ERICH6: variants seen among roughly 807,000 people sequenced by gnomAD.
ERICH6 encodes the protein glutamate-rich protein 6.
ERICH6 carries 71 observed loss-of-function variants against 71.0 expected under a neutral mutation model. The observed-to-expected ratio is 1.00, with a 90% confidence interval of 0.83 to 1.22. ERICH6 has a LOEUF of 1.22. ERICH6 is among the 50% of genes most tolerant of loss of function. ERICH6 has a pLI of 0.00. For synonymous variants in ERICH6, 262 were observed against 278.4 expected (o/e 0.94, Z 0.59); for missense variants, 808 against 797.2 (o/e 1.01, Z -0.16).
chr3:150,698,684 G>T, intron 3 of ERICH6, 107 bp downstream of exon 3: 1 of 864,280 alleles, frequency 1.2e-6, no homozygotes, highest in Non-Finnish European at 1.9e-6. Flanking sequence ...AGGTTAGTAT[G>T]TGTTGGGGCT....
rs376423366 is a variant in ERICH6 at position 150,693,784 on chromosome 3, A to G, written c.553+5007T>C. Among the ~76,000 whole-genome samples the G allele has an allele frequency of 3.3e-5, 5 of 152,298 alleles. No individual in the cohort carries two copies. The East Asian group carries it at 9.6e-4, about 29-fold the overall frequency. On this transcript the variant is annotated intron_variant, in intron 3 of 13. Coordinates refer to ENST00000295910, the MANE Select transcript of ERICH6 (RefSeq NM_152394.5). ...TGTTGTTAGATTCTTGTCTTGACTAATGTTTTTCAATTTTTATTATTTTCT... is the reference window on the plus strand; with the variant it reads ...TGTTGTTAGATTCTTGTCTTGACTAGTGTTTTTCAATTTTTATTATTTTCT...
Position 150,668,882 on chromosome 3 carries a change from A to C in ERICH6, c.1499+414T>G, listed in dbSNP as rs935343300. 2.6e-5 allele frequency among the ~76,000 whole-genome samples: 4 copies of C among 152,166 alleles called. No individual in the cohort carries two copies. In the East Asian group the frequency reaches 7.7e-4, roughly 29 times the overall value. On this transcript the variant is annotated intron_variant, in intron 12 of 13. Coordinates refer to ENST00000295910, the MANE Select transcript of ERICH6 (RefSeq NM_152394.5). ...GCTTACTAGTTAGGAATGTATCTCA[A>C]ACAATAACAACATAGTGTATCAACT...
At chr3:150,685,022 A>G (rs1712122565) in intron 6 of ERICH6, among the ~76,000 whole-genome samples, 1 of 151,902 alleles carries the variant, frequency 6.6e-6, no homozygotes, top group South Asian at 2.1e-4. Context: ...AAAAATAATA[A>G]TAATTTTTTT....
intron 9 of ERICH6, 55 bp from the exon 10 acceptor site, chr3:150,678,609 C>T (rs1444473167): frequency 1.4e-6 from 2 of 1,410,698 alleles, no homozygotes; most frequent in Non-Finnish European, 1.9e-6. Context: ...TTTCTAAAGC[C>T]TCTTTTCTAA....
chr3:150,680,189 T>C (rs1027262743), intron 9 of ERICH6, among the ~76,000 whole-genome samples: 7 of 152,204 alleles, frequency 4.6e-5, no homozygotes, highest in African/African-American at 1.7e-4. Context: ...TTGACAGATG[T>C]AGGCTATACT....
At chr3:150,661,631 AAAC>A (rs1420343189) in intron 13 of ERICH6, among the ~76,000 whole-genome samples, 1 of 152,210 alleles carries the variant, frequency 6.6e-6, no homozygotes, top group African/African-American at 2.4e-5. Flanking sequence ...TAAGGAAGAA[AAAC>A]AACTAGAGGA....
At chr3:150,702,862 T>C (rs1712953769) in intron 1 of ERICH6, among the ~76,000 whole-genome samples, 1 of 141,748 alleles carries the variant, frequency 7.1e-6, no homozygotes, top group South Asian at 2.5e-4. Flanking sequence ...TACAGCACCC[T>C]TAAGGCACTT....
chr3:150,666,231 G>A (rs543574150), intron 13 of ERICH6, among the ~76,000 whole-genome samples: 6 of 152,320 alleles, frequency 3.9e-5, no homozygotes, highest in African/African-American at 1.4e-4. Context: ...AGTTACAGAA[G>A]TCAACAAGAT....
At chr3:150,700,901 G>A (rs923172215) in intron 2 of ERICH6, among the ~76,000 whole-genome samples, 2 of 152,188 alleles carry the variant, frequency 1.3e-5, no homozygotes, top group Non-Finnish European at 2.9e-5. Context: ...CTTTTTAAGA[G>A]ACAAGTTTTA....
intron 7 of ERICH6, 62 bp downstream of exon 7, chr3:150,682,156 G>T (rs1281282862): frequency 2.9e-6 from 4 of 1,402,818 alleles, no homozygotes; most frequent in Non-Finnish European, 2.0e-6. Context: ...AGATGCAAGA[G>T]AAAATACTAC....
chr3:150,680,880 C>T lies in ERICH6; in HGVS notation c.933G>A (p.Glu311=), dbSNP rs373206648. 119 of 1,613,672 alleles carry T rather than the reference C, an allele frequency of 7.4e-5. 2 individuals are homozygous for T. The highest frequency in any genetic ancestry group is 5.9e-4 in the South Asian group (54 of 91,064). Residue 311 remains glutamate (E), a synonymous_variant, in exon 8 of 14, where the codon GAG becomes GAA. Transcript: ENST00000295910. ...FQNLIDYIYE[E]QIKTKPPKAE... ...CTTTAGGGGGTTTGGTTTTTATTTG[C>T]TCCTCATAGATATAGTCAATCAGAT...
chr3:150,678,514 CA>C lies in ERICH6; in HGVS notation c.1151del (p.Val384GlyfsTer8). The C allele has an allele frequency of 6.2e-7, 1 of 1,600,668 alleles. No individual in the cohort carries two copies. Among genetic ancestry groups the C allele is most frequent in the South Asian group, 1.1e-5 (1 of 87,878 alleles). ...CAATTATCTGTTTTTCTGGAATATC[CA>C]CAGAAAGTTGATAAGAAATTGTTTT... ...RLKTISYQLSVDIPEKQIIDD... is the reference protein window; with the variant it reads ...RLKTISYQLSXDIPEKQIIDD... On this transcript the variant is annotated frameshift_variant, in exon 10 of 14. Transcript: ENST00000295910. LOFTEE classifies it high-confidence loss of function.
chr3:150,669,344 A>G lies in ERICH6; in HGVS notation c.1451T>C (p.Leu484Pro), dbSNP rs1422105376. ...GCAGGAACTTCTGCCAGAGGAATCC[A>G]GCACTGCTAGGATAGCAGGGTTAGT... Reference protein sequence around the residue: ...MPTNPAILAVLDSSGRSSCYH... With the variant: ...MPTNPAILAVPDSSGRSSCYH... Residue 484 changes from leucine (L) to proline (P), a missense_variant, in exon 12 of 14, where the codon CTG (leucine) becomes CCG (proline). By Grantham distance (98) the Leu-to-Pro change is moderately conservative. Around this residue, in one of 3 missense-constraint regions of ERICH6, gnomAD observed 736 missense variants for 712.2 expected, o/e 1.03. Transcript: ENST00000295910. The G allele has an allele frequency of 1.9e-6, 3 of 1,613,474 alleles. No homozygotes were observed. The African/African-American group carries it at 4.0e-5, about 21-fold the overall frequency.
chr3:150,673,917 T>G (rs1711555618), intron 11 of ERICH6, 39 bp downstream of exon 11: 16 of 1,577,342 alleles, frequency 1.0e-5, no homozygotes, highest in Non-Finnish European at 1.4e-5. Flanking sequence ...TTTTTTGAAG[T>G]AATAAAGCTA....
At chr3:150,688,023 G>A (rs1240805895) in intron 3 of ERICH6, among the ~76,000 whole-genome samples, 1 of 152,196 alleles carries the variant, frequency 6.6e-6, no homozygotes, top group Non-Finnish European at 1.5e-5. Context: ...TGGGGGCTAA[G>A]GTGGGAGGAT....
rs1576547906 is a variant in ERICH6 at position 150,669,322 on chromosome 3, G to A, written c.1473C>T (p.Ser491=). 1.9e-6 allele frequency: 3 copies of A among 1,611,064 alleles called. No individual in the cohort carries two copies. The East Asian group carries it at 6.7e-5, about 36-fold the overall frequency. Residue 491 remains serine, a synonymous_variant, in exon 12 of 14, where the codon TCC becomes TCT. Transcript: ENST00000295910. ...LAVLDSSGRS[S]CYHPNGNVWV... is the part of the protein sequence containing the mutation. Reference sequence around the variant, plus strand: ...AGACATTTCCATTGGGATGATAGCAGGAACTTCTGCCAGAGGAATCCAGCA... The same window carrying A: ...AGACATTTCCATTGGGATGATAGCAAGAACTTCTGCCAGAGGAATCCAGCA...
At chr3:150,702,240 C>A (rs1471788013) in intron 1 of ERICH6, 62 bp from the exon 2 acceptor site, 2 of 988,012 alleles carry the variant, frequency 2.0e-6, no homozygotes, top group East Asian at 5.0e-5. Flanking sequence ...AATTCTACCC[C>A]CCCCAGGAAC....
rs887315553 is a variant in ERICH6 at position 150,703,825 on chromosome 3, AACTCCTCCTCTG to A, written c.62_73del (p.Ser21_Glu24del). The A allele has an allele frequency of 2.1e-6, 3 of 1,437,816 alleles. No individual in the cohort carries two copies. Among genetic ancestry groups the A allele is most frequent in the Admixed American group, 2.2e-5 (1 of 46,372 alleles). 89.1% of individuals were successfully genotyped at this position (1,437,816 alleles called of 1,614,324 possible). Reference sequence around the variant, plus strand: ...CTCTTCCTCCTCCTCCTCCTCCTCTAACTCCTCCTCTGACTCCTTCTGGTCCTTCTTCCCCGG... The same window carrying A: ...CTCTTCCTCCTCCTCCTCCTCCTCTAACTCCTTCTGGTCCTTCTTCCCCGG... On this transcript the variant is annotated inframe_deletion, in exon 1 of 14. Transcript: ENST00000295910.
chr3:150,670,648 C>T (rs1006333982), intron 11 of ERICH6, among the ~76,000 whole-genome samples: 6 of 151,866 alleles, frequency 4.0e-5, no homozygotes, highest in East Asian at 1.9e-4. Context: ...GTATTAAACC[C>T]GATAAATGAG....
Sources: allele counts gnomAD v4.1 joint callset (sites outside exome capture counted in the v4.1 genomes callset), GRCh38; gene constraint gnomAD v4.1.1; regional missense constraint gnomAD v4.1.1; transcripts MANE v1.5; gene names NCBI Gene and HGNC (gene_info 2026-07-23, HGNC 2026-07-21).